The following STAMBP variants were observed in gnomAD, a reference collection of about 807,000 sequenced individuals.
STAMBP encodes the protein STAM binding protein, also known as STAM-binding protein.
In STAMBP, 31 loss-of-function variants were observed where a neutral mutation model predicts 50.7. That is an observed-to-expected ratio of 0.61 (90% CI 0.46 to 0.83). The LOEUF (loss-of-function observed/expected upper bound fraction) is 0.83. STAMBP is among the 40% of genes least tolerant of loss of function. The pLI is 0.00. For missense variants in STAMBP, 472 were observed against 518.9 expected (o/e 0.91, Z 0.88); for synonymous variants, 211 against 192.4 (o/e 1.10, Z -0.80).
rs767098715 is a variant in STAMBP at position 73,845,258 on chromosome 2, A to G, written c.371A>G (p.Glu124Gly). ...AAAGAATATACAGAATATAATGAAGAAAAGGTCAGTATATAACAGCTAAGA... is the reference window on the plus strand; with the variant it reads ...AAAGAATATACAGAATATAATGAAGGAAAGGTCAGTATATAACAGCTAAGA... ...YTKEYTEYNE[E>G]KKKEAEELAR... The change falls in exon 4 of 10, where the codon GAA becomes GGA. Residue 124 changes from glutamate to glycine, a missense_variant. Transcript: ENST00000394070. The G allele has an allele frequency of 8.7e-6, 14 of 1,608,094 alleles. No individual in the cohort carries two copies. Among genetic ancestry groups the G allele is most frequent in the Non-Finnish European group, 1.2e-5 (14 of 1,174,840 alleles).
At position 73,862,841 on chromosome 2, in the gene STAMBP, A is replaced by G. The variant is rs1438862865; in HGVS notation, c.*582A>G. ...CAGGAATTATTGTTATTTAATAAAT[A>G]TTTCAGGATATTTTTCCTCTACAAT... On this transcript the variant is annotated 3_prime_UTR_variant, in exon 10 of 10. Transcript: ENST00000394070. The G allele has an allele frequency of 3.3e-5, 5 of 152,614 alleles. No homozygotes were observed. The highest frequency in any genetic ancestry group is 1.2e-4 in the African/African-American group (5 of 41,442). The allele number at this position is 152,614 out of a possible 1,614,324, so 9.5% of individuals were successfully genotyped here. A position where few individuals can be genotyped will look rare whatever the true frequency, so the allele number is the denominator to read the frequency against.
At chr2:73,842,944 A>G (rs995255924) in intron 2 of STAMBP, among the ~76,000 whole-genome samples, 5 of 152,200 alleles carry the variant, frequency 3.3e-5, no homozygotes, top group Admixed American at 2.6e-4. Context: ...TTTATATGAC[A>G]TAGTACTTTC....
chr2:73,842,842 T>A (rs1558569256), intron 2 of STAMBP, among the ~76,000 whole-genome samples: 1 of 152,194 alleles, frequency 6.6e-6, no homozygotes, highest in Non-Finnish European at 1.5e-5. Context: ...CCAAGGAGTA[T>A]ACAAAGAAGC....
downstream of STAMBP, among the ~76,000 whole-genome samples, chr2:73,871,190 A>G (rs1465005304): frequency 6.6e-6 from 1 of 152,168 alleles, no homozygotes; most frequent in Non-Finnish European, 1.5e-5. Context: ...ATGGCCTTTG[A>G]GACTTCAGCT....
chr2:73,834,472 A>G, intron 2 of STAMBP, among the ~76,000 whole-genome samples: 1 of 151,600 alleles, frequency 6.6e-6, no homozygotes, highest in Non-Finnish European at 1.5e-5. Context: ...GAAAATATAG[A>G]TACTATTTGT....
chr2:73,867,209 A>G (rs1236862996), downstream of STAMBP: 3 of 152,238 alleles, frequency 2.0e-5, no homozygotes, highest in African/African-American at 7.2e-5. Context: ...AGTGCAACAA[A>G]TGTGAGCACA....
At chr2:73,848,508 G>T (rs1676409721) in intron 5 of STAMBP, among the ~76,000 whole-genome samples, 1 of 152,180 alleles carries the variant, frequency 6.6e-6, no homozygotes, top group African/African-American at 2.4e-5. Context: ...AGATGAATGG[G>T]CAGTGTCTTA....
Position 73,859,281 on chromosome 2 carries a change from T to A in STAMBP, c.1033T>A (p.Ser345Thr). The change falls in exon 8 of 10, where the codon TCC (serine) becomes ACC (threonine). Residue 345 changes from serine to threonine, a missense_variant. Ser to Thr is a moderately conservative substitution (Grantham distance 58, BLOSUM62 1). Coordinates refer to ENST00000394070, the MANE Select transcript of STAMBP (RefSeq NM_213622.4). ...HTHPTQTAFL[S>T]SVDLHTHCSY... ...TCACCCCACACAGACCGCGTTTCTCTCCAGTGTCGACCTACACACTCACTG... is the reference window on the plus strand; with the variant it reads ...TCACCCCACACAGACCGCGTTTCTCACCAGTGTCGACCTACACACTCACTG... 6.2e-7 allele frequency: 1 copy of A among 1,613,680 alleles called. No homozygotes were observed. Among genetic ancestry groups the A allele is most frequent in the Non-Finnish European group, 8.5e-7 (1 of 1,179,876 alleles).
At chr2:73,855,779 G>C (rs952996883) in intron 7 of STAMBP, 3 of 432,048 alleles carry the variant, frequency 6.9e-6, no homozygotes, top group African/African-American at 6.1e-5. Flanking sequence ...AGATGAGGCT[G>C]CACATAAGAA....
At chr2:73,844,416 T>A (rs894969013) in intron 2 of STAMBP, among the ~76,000 whole-genome samples, 1 of 152,364 alleles carries the variant, frequency 6.6e-6, no homozygotes, top group Non-Finnish European at 1.5e-5. Flanking sequence ...TTTCTCTTGC[T>A]TCCTGCCCAT....
chr2:73,853,945 A>G (rs1292559085), intron 7 of STAMBP, among the ~76,000 whole-genome samples: 1 of 152,220 alleles, frequency 6.6e-6, no homozygotes, highest in South Asian at 2.1e-4. Context: ...AAATGGAGTT[A>G]TACCATATGT....
At position 73,829,033 on chromosome 2, in the gene STAMBP, C is replaced by T. The variant is rs1673534365; in HGVS notation, c.-490C>T. On this transcript the variant is annotated 5_prime_UTR_variant, in exon 1 of 10. Transcript: ENST00000394070. ...TCCCGGGAACGTGGTGGGGCAGGGC[C>T]TCCGAGCGTGGTTGGACTTTGAAGG... 1.3e-5 allele frequency: 2 copies of T among 152,310 alleles called. No homozygotes were observed. Among genetic ancestry groups the T allele is most frequent in the Non-Finnish European group, 2.9e-5 (2 of 68,120 alleles). 9.4% of individuals were successfully genotyped at this position (152,310 alleles called of 1,614,324 possible). A position where few individuals can be genotyped will look rare whatever the true frequency, so the allele number is the denominator to read the frequency against.
chr2:73,870,267 C>A (rs1002205465), downstream of STAMBP: 1 of 152,208 alleles, frequency 6.6e-6, no homozygotes, highest in African/African-American at 2.4e-5. Context: ...TATATGGAAA[C>A]CTTCCATGAG....
chr2:73,842,353 T>C (rs566558182), intron 2 of STAMBP, among the ~76,000 whole-genome samples: 33 of 152,340 alleles, frequency 2.2e-4, no homozygotes, highest in South Asian at 8.3e-4. Context: ...TTAGGTGAAC[T>C]GGCATGTCTG....
rs1678055986 is a variant in STAMBP at position 73,859,698 on chromosome 2, A to T, written c.1118+332A>T. ...CATAAAATATAAAAAAATAAAAAAT[A>T]AAAAATAAAAAAATATAATAAAAAA... On this transcript the variant is annotated intron_variant, in intron 8 of 9. Coordinates refer to ENST00000394070, the MANE Select transcript of STAMBP (RefSeq NM_213622.4). 6.7e-5 allele frequency among the ~76,000 whole-genome samples: 9 copies of T among 134,484 alleles called. No individual in the cohort carries two copies. In the South Asian group the frequency reaches 2.0e-3, roughly 31 times the overall value. 88.2% of individuals were successfully genotyped at this position (134,484 alleles called of 152,430 possible).
chr2:73,869,530 A>C (rs1012964603), downstream of STAMBP, among the ~76,000 whole-genome samples: 5 of 152,196 alleles, frequency 3.3e-5, no homozygotes, highest in Admixed American at 2.0e-4. Context: ...TCTAAAATTA[A>C]TCTGAGATAT....
chr2:73,843,408 A>ATG (rs1675675547), intron 2 of STAMBP, among the ~76,000 whole-genome samples: 3 of 131,124 alleles, frequency 2.3e-5, no homozygotes, highest in African/African-American at 8.8e-5. Context: ...TTGTGTATGT[A>ATG]TATATATATA....
chr2:73,871,577 C>T (rs1573439651), downstream of STAMBP, among the ~76,000 whole-genome samples: 4 of 151,806 alleles, frequency 2.6e-5, no homozygotes, highest in South Asian at 8.3e-4. Flanking sequence ...CTTTTAATTG[C>T]ACTGACAGAA....
chr2:73,846,533 G>A (rs531072026), intron 4 of STAMBP, among the ~76,000 whole-genome samples: 2 of 151,974 alleles, frequency 1.3e-5, no homozygotes, highest in Non-Finnish European at 2.9e-5. Context: ...GGCTGAGATG[G>A]GAGGATCACC....
Sources: allele counts gnomAD v4.1 joint callset (sites outside exome capture counted in the v4.1 genomes callset), GRCh38; gene constraint gnomAD v4.1.1; transcripts MANE v1.5; gene names NCBI Gene and HGNC (gene_info 2026-07-23, HGNC 2026-07-21).